The following COL5A2 variants were observed in gnomAD, a reference collection of about 807,000 sequenced individuals.
COL5A2 encodes the protein collagen type V alpha 2 chain.
A neutral mutation model predicts 208.2 loss-of-function variants in COL5A2; 23 were observed. The ratio of observed to expected loss-of-function variants is 0.11; its 90% CI spans 0.08 to 0.16. The LOEUF (loss-of-function observed/expected upper bound fraction) is 0.16, where lower values mean the gene tolerates loss of function less well. COL5A2 is among the 10% of genes least tolerant of loss of function. The pLI is 1.00. For missense variants in COL5A2, 1,590 were observed against 1,956.4 expected (o/e 0.81, Z 3.53); for synonymous variants, 625 against 628.5 (o/e 0.99, Z 0.08).
chr2:189,122,480 G>A (rs1219561738), intron 1 of COL5A2, among the ~76,000 whole-genome samples: 1 of 152,108 alleles, frequency 6.6e-6, no homozygotes, highest in Non-Finnish European at 1.5e-5. Flanking sequence ...GAGGTGATGA[G>A]AATACTTGGT....
chr2:189,198,772 T>C (rs1689037352), intron 1 of COL5A2, among the ~76,000 whole-genome samples: 1 of 152,094 alleles, frequency 6.6e-6, no homozygotes, highest in South Asian at 2.1e-4. Flanking sequence ...GTAATAATAA[T>C]ATGCAATTAT....
At chr2:189,076,003 G>A (rs1019807337) in intron 16 of COL5A2, among the ~76,000 whole-genome samples, 2 of 152,116 alleles carry the variant, frequency 1.3e-5, no homozygotes, top group East Asian at 1.9e-4. Flanking sequence ...GGTCAATGCA[G>A]GGATACAAAG....
chr2:189,053,524 C>G (rs765839868), intron 37 of COL5A2, 47 bp from the exon 38 acceptor site: 1 of 1,461,692 alleles, frequency 6.8e-7, no homozygotes, highest in African/African-American at 1.4e-5. Flanking sequence ...TTATCCTAAA[C>G]AGGAACAGTA....
intron 1 of COL5A2, among the ~76,000 whole-genome samples, chr2:189,212,814 C>G (rs1032917440): frequency 3.3e-5 from 5 of 151,152 alleles, no homozygotes; most frequent in African/African-American, 1.2e-4. Flanking sequence ...GAATCAGGAA[C>G]TCTCAAAAAG....
chr2:189,329,930 C>T, the COL5A2 span, among the ~76,000 whole-genome samples: 9 of 150,220 alleles, frequency 6.0e-5, no homozygotes, highest in South Asian at 2.1e-4. Flanking sequence ...AATTTATGAG[C>T]GGTAAGAGAG....
chr2:189,098,641 A>G (rs951264913), intron 5 of COL5A2, 86 bp downstream of exon 5: 7 of 1,064,104 alleles, frequency 6.6e-6, no homozygotes, highest in African/African-American at 1.6e-5. Context: ...TAATTCTTTT[A>G]TCTTCTCATG....
intron 6 of COL5A2, among the ~76,000 whole-genome samples, chr2:189,096,717 A>G (rs1252637999): frequency 6.6e-6 from 1 of 152,048 alleles, no homozygotes; most frequent in Admixed American, 6.5e-5. Context: ...AACCTTTGGT[A>G]TATATTATAT....
intron 5 of COL5A2, among the ~76,000 whole-genome samples, chr2:189,098,515 T>C (rs527661148): frequency 1.3e-4 from 20 of 152,376 alleles, no homozygotes; most frequent in African/African-American, 4.6e-4. Context: ...ACTAACATAA[T>C]GTTTCTTCAG....
chr2:189,058,800 A>G (rs754181404), intron 32 of COL5A2, 49 bp downstream of exon 32: 1 of 1,549,320 alleles, frequency 6.5e-7, no homozygotes, highest in Non-Finnish European at 8.9e-7. Flanking sequence ...ACCTTTTAAA[A>G]CTGAAGCCAG....
At chr2:189,417,589 T>A in the COL5A2 span, among the ~76,000 whole-genome samples, 1 of 152,140 alleles carries the variant, frequency 6.6e-6, no homozygotes, top group Non-Finnish European at 1.5e-5. Context: ...GGGATTAATA[T>A]TTTTATGATA....
chr2:189,177,797 A>G (rs1688704365), intron 1 of COL5A2, among the ~76,000 whole-genome samples: 1 of 152,244 alleles, frequency 6.6e-6, no homozygotes, highest in Non-Finnish European at 1.5e-5. Flanking sequence ...CAGAGTAATT[A>G]TAACTATTTG....
chr2:189,160,878 TG>T (rs1688349466), intron 1 of COL5A2, among the ~76,000 whole-genome samples: 1 of 147,114 alleles, frequency 6.8e-6, no homozygotes, highest in African/African-American at 2.5e-5. Flanking sequence ...TTGCCCAGAC[TG>T]GAGTGCAATG....
the COL5A2 span, among the ~76,000 whole-genome samples, chr2:189,345,824 TAGA>T: frequency 6.6e-6 from 1 of 152,074 alleles, no homozygotes; most frequent in Non-Finnish European, 1.5e-5. Flanking sequence ...CTCCCATGAA[TAGA>T]AGGAGAGAAT....
chr2:189,311,839 G>T, the COL5A2 span: 1 of 1,283,662 alleles, frequency 7.8e-7, no homozygotes, highest in Non-Finnish European at 1.1e-6. Flanking sequence ...CTACCTCCAC[G>T]GTCAAGCCAG....
chr2:189,384,707 A>G, the COL5A2 span, among the ~76,000 whole-genome samples: 3 of 152,046 alleles, frequency 2.0e-5, no homozygotes, highest in Non-Finnish European at 1.5e-5. Context: ...TGTCTCTTCA[A>G]TTTGTTGATT....
At chr2:189,337,428 C>T in the COL5A2 span, among the ~76,000 whole-genome samples, 12 of 152,066 alleles carry the variant, frequency 7.9e-5, no homozygotes, top group East Asian at 1.9e-3. Context: ...GTGATCCGCC[C>T]GCCTCGGCCT....
the COL5A2 span, among the ~76,000 whole-genome samples, chr2:189,251,140 T>TA: frequency 1.3e-5 from 2 of 152,078 alleles, no homozygotes; most frequent in South Asian, 4.2e-4. Context: ...CTCTACACAA[T>TA]AAAAAATTTT....
chr2:189,088,913 C>T (rs1170805877), intron 7 of COL5A2, 141 bp from the exon 8 acceptor site: 24 of 743,702 alleles, frequency 3.2e-5, no homozygotes, highest in Non-Finnish European at 5.2e-5. Flanking sequence ...ACTTTAAAGC[C>T]TGGAAAAAGA....
At chr2:189,213,760 A>G (rs1689245029) in intron 1 of COL5A2, among the ~76,000 whole-genome samples, 1 of 152,202 alleles carries the variant, frequency 6.6e-6, no homozygotes, top group South Asian at 2.1e-4. Context: ...GAAGCCACAG[A>G]GAAATGCAAG....
Sources: gnomAD v4.1 joint callset for allele counts (sites outside exome capture counted in the v4.1 genomes callset) on GRCh38, gnomAD v4.1.1 for gene constraint, MANE v1.5 for transcripts, NCBI Gene and HGNC (gene_info 2026-07-23, HGNC 2026-07-21) for gene names.